The following PTPRR variants were observed in gnomAD, a reference collection of about 807,000 sequenced individuals.
PTPRR encodes the protein receptor-type tyrosine-protein phosphatase R.
PTPRR carries 38 observed loss-of-function variants against 77.2 expected under a neutral mutation model. The ratio of observed to expected loss-of-function variants is 0.49; its 90% CI spans 0.38 to 0.65. The LOEUF is 0.65. PTPRR is among the 30% of genes least tolerant of loss of function. PTPRR has a pLI of 0.00. For missense variants in PTPRR, 744 were observed against 799.2 expected, an observed-to-expected ratio of 0.93 and a Z score of 0.83; for synonymous variants, 299 against 283.1, an observed-to-expected ratio of 1.06 and a Z score of -0.57.
At chr12:70,644,070 G>C (rs1376417798) in intron 13 of PTPRR, among the ~76,000 whole-genome samples, 1 of 144,432 alleles carries the variant, frequency 6.9e-6, no homozygotes, top group East Asian at 1.9e-4. Flanking sequence ...CCTGAAAAAA[G>C]GCAATTATGT....
intron 2 of PTPRR, among the ~76,000 whole-genome samples, chr12:70,809,560 A>T (rs1484685305): frequency 6.6e-6 from 1 of 152,086 alleles, no homozygotes; most frequent in African/African-American, 2.4e-5. Flanking sequence ...ACTAAATTCT[A>T]TATCTTCTAA....
Position 70,897,805 on chromosome 12 carries a change from C to T in PTPRR, c.59-4828G>A, listed in dbSNP as rs953391895. Among the ~76,000 whole-genome samples, 9 of 152,052 alleles carry T rather than the reference C, an allele frequency of 5.9e-5. No homozygotes were observed. In the South Asian group the frequency reaches 6.2e-4, roughly 11 times the overall value. Reference sequence around the variant, plus strand: ...ATTAAGAAAATGTGGCACATGTACACCATGGAATACTATGCAGCCATAAAA... The same window carrying T: ...ATTAAGAAAATGTGGCACATGTACATCATGGAATACTATGCAGCCATAAAA... On this transcript the variant is annotated intron_variant, in intron 1 of 13. Transcript: ENST00000283228.
chr12:70,913,385 T>C (rs1893728337), intron 1 of PTPRR, among the ~76,000 whole-genome samples: 1 of 152,138 alleles, frequency 6.6e-6, no homozygotes, highest in Non-Finnish European at 1.5e-5. Flanking sequence ...GAAGCCACTG[T>C]CTCACACTCC....
intron 6 of PTPRR, among the ~76,000 whole-genome samples, chr12:70,719,328 G>A (rs1261116031): frequency 6.6e-6 from 1 of 151,984 alleles, no homozygotes; most frequent in African/African-American, 2.4e-5. Flanking sequence ...GTAGGATTAC[G>A]GGAACCCAAA....
chr12:70,769,432 A>C (rs1890913200), intron 2 of PTPRR, among the ~76,000 whole-genome samples: 1 of 152,224 alleles, frequency 6.6e-6, no homozygotes, highest in Non-Finnish European at 1.5e-5. Context: ...AATATAAAAT[A>C]CTTAGGAATC....
intron 4 of PTPRR, among the ~76,000 whole-genome samples, chr12:70,758,787 A>C (rs1890620360): frequency 6.6e-6 from 1 of 152,090 alleles, no homozygotes; most frequent in African/African-American, 2.4e-5. Flanking sequence ...TATTCATAGA[A>C]CTATATTCTT....
At chr12:70,867,365 C>T (rs1367201434) in intron 2 of PTPRR, among the ~76,000 whole-genome samples, 1 of 151,256 alleles carries the variant, frequency 6.6e-6, no homozygotes, top group Non-Finnish European at 1.5e-5. Context: ...AATCAATGTA[C>T]AAAAATCACA....
At chr12:70,758,228 C>T (rs1890606873) in intron 4 of PTPRR, among the ~76,000 whole-genome samples, 1 of 152,172 alleles carries the variant, frequency 6.6e-6, no homozygotes. Context: ...GAGAATCTAT[C>T]ACATTTATCA....
chr12:70,828,102 T>C (rs1263353493), intron 2 of PTPRR, among the ~76,000 whole-genome samples: 2 of 152,134 alleles, frequency 1.3e-5, no homozygotes, highest in African/African-American at 4.8e-5. Context: ...GTCCCTACAT[T>C]GGGGATTAGG....
At chr12:70,914,655 T>A (rs1394382984) in intron 1 of PTPRR, among the ~76,000 whole-genome samples, 1 of 152,058 alleles carries the variant, frequency 6.6e-6, no homozygotes, top group Non-Finnish European at 1.5e-5. Flanking sequence ...GTAAAAATAG[T>A]TGTATATAAG....
chr12:70,788,423 G>A (rs1222237125), intron 2 of PTPRR, among the ~76,000 whole-genome samples: 1 of 152,148 alleles, frequency 6.6e-6, no homozygotes, highest in African/African-American at 2.4e-5. Flanking sequence ...TCTAGTTGTA[G>A]TCATCTTTTC....
intron 5 of PTPRR, among the ~76,000 whole-genome samples, chr12:70,749,591 G>A (rs1403687139): frequency 1.3e-5 from 2 of 152,172 alleles, no homozygotes; most frequent in East Asian, 3.9e-4. Flanking sequence ...CCTTCATCCC[G>A]AGGGATTATA....
chr12:70,842,787 A>G (rs956560060), intron 2 of PTPRR, among the ~76,000 whole-genome samples: 2 of 152,244 alleles, frequency 1.3e-5, no homozygotes, highest in African/African-American at 4.8e-5. Context: ...AAAATAAGAT[A>G]ATAGTCACAG....
At chr12:70,709,120 C>A (rs1441059720) in intron 6 of PTPRR, among the ~76,000 whole-genome samples, 1 of 151,952 alleles carries the variant, frequency 6.6e-6, no homozygotes, top group Non-Finnish European at 1.5e-5. Flanking sequence ...AAAAAGCTTA[C>A]CCACTGTGAT....
chr12:70,660,958 G>C lies in PTPRR; in HGVS notation c.1748C>G (p.Pro583Arg). 6.2e-7 allele frequency: 1 copy of C among 1,613,562 alleles called. No homozygotes were observed. The highest frequency in any genetic ancestry group is 1.1e-5 in the South Asian group (1 of 90,924). Residue 583 changes from proline (P) to arginine (R), a missense_variant, in exon 12 of 14, where the codon CCT becomes CGT. Coordinates refer to ENST00000283228, the MANE Select transcript of PTPRR (RefSeq NM_002849.4). ...EDRLASQGRG[P>R]VVVHCSAGIG... is the part of the protein sequence containing the mutation. ...GTCTTACCTGCAGTGGACAACCACA[G>C]GCCCTCGGCCCTGGGAAGCAAGTCT...
chr12:70,844,947 A>G lies in PTPRR; in HGVS notation c.357+47732T>C, dbSNP rs1351955566. Among the ~76,000 whole-genome samples, 3 of 152,332 alleles carry G rather than the reference A, an allele frequency of 2.0e-5. No individual in the cohort carries two copies. In the East Asian group the frequency reaches 5.8e-4, roughly 29 times the overall value. On this transcript the variant is annotated intron_variant, in intron 2 of 13. Transcript: ENST00000283228. ...CAATAACAAAAATAATAATCAATACATAGGATGTAAAAGTCTCAGGTATAT... is the reference window on the plus strand; with the variant it reads ...CAATAACAAAAATAATAATCAATACGTAGGATGTAAAAGTCTCAGGTATAT...
At chr12:70,904,835 A>C (rs1427986172) in intron 1 of PTPRR, among the ~76,000 whole-genome samples, 1 of 151,864 alleles carries the variant, frequency 6.6e-6, no homozygotes. Flanking sequence ...ATTTAATTGA[A>C]ATGAGGACTG....
intron 1 of PTPRR, among the ~76,000 whole-genome samples, chr12:70,897,495 T>G (rs1314348943): frequency 1.3e-5 from 2 of 151,624 alleles, no homozygotes; most frequent in Non-Finnish European, 1.5e-5. Context: ...CATTAAAAAG[T>G]CAGGAAACAA....
intron 6 of PTPRR, among the ~76,000 whole-genome samples, chr12:70,717,086 T>C (rs1172906836): frequency 6.6e-6 from 1 of 152,224 alleles, no homozygotes; most frequent in Non-Finnish European, 1.5e-5. Context: ...TCTTTGTTTC[T>C]CTAACATACT....
Sources: gnomAD v4.1 joint callset for allele counts (sites outside exome capture counted in the v4.1 genomes callset) on GRCh38, gnomAD v4.1.1 for gene constraint, MANE v1.5 for transcripts, NCBI Gene and HGNC (gene_info 2026-07-23, HGNC 2026-07-21) for gene names.